C6orf89: variants seen among roughly 807,000 people sequenced by gnomAD.
The protein encoded by C6orf89 is bombesin receptor-activated protein C6orf89.
Under a neutral mutation model 40.7 loss-of-function variants are expected in C6orf89, and 29 were observed. The ratio of observed to expected loss-of-function variants is 0.71; its 90% CI spans 0.53 to 0.97. C6orf89 has a LOEUF of 0.97. Among genes scored for constraint, C6orf89 ranks in the 50% least tolerant of loss-of-function variants. C6orf89 has a pLI of 0.00. For missense variants in C6orf89, 392 were observed against 429.1 expected (o/e 0.91, Z 0.76); for synonymous variants, 165 against 152.2 (o/e 1.08, Z -0.62).
rs1472678152 is a variant in C6orf89, at chr6:36,925,645, T to A, written c.*2204T>A. ...AATTCTCCAAAGAGGGTTTTCTACA[T>A]ACACAGAAGCAGTTCAACTTCTCAA... is the stretch of plus-strand genomic sequence containing the variant. On this transcript the variant is annotated 3_prime_UTR_variant, in exon 9 of 9. Transcript: ENST00000480824. The A allele has an allele frequency of 6.6e-6, 1 of 152,218 alleles. No individual in the cohort carries two copies. The highest frequency in any genetic ancestry group is 2.4e-5 in the African/African-American group (1 of 41,450). 9.4% of individuals were successfully genotyped at this position (152,218 alleles called of 1,614,324 possible). A position where few individuals can be genotyped will look rare whatever the true frequency, so the allele number is the denominator to read the frequency against.
At chr6:36,922,687 T>TGTAAAG (rs1292803322) in intron 8 of C6orf89, among the ~76,000 whole-genome samples, 5 of 152,236 alleles carry the variant, frequency 3.3e-5, no homozygotes, top group Admixed American at 2.6e-4. Flanking sequence ...CCATGGAACC[T>TGTAAAG]ATTTTCTTTG....
At chr6:36,874,869 C>A (rs1774609129) in intron 1 of C6orf89, 1 of 1,370,982 alleles carries the variant, frequency 7.3e-7, no homozygotes, top group East Asian at 2.5e-5. Context: ...GTCCGTTCAA[C>A]CCTTTCGATA....
chr6:36,880,740 G>A (rs147412981), intron 2 of C6orf89, among the ~76,000 whole-genome samples: 2,313 of 152,258 alleles, frequency 0.015, 24 homozygotes, highest in Non-Finnish European at 0.022. Flanking sequence ...TATGGAATTA[G>A]CCATGCCCCC....
intron 4 of C6orf89, among the ~76,000 whole-genome samples, chr6:36,911,253 G>A (rs997231678): frequency 6.6e-6 from 1 of 152,176 alleles, no homozygotes; most frequent in Admixed American, 6.5e-5. Flanking sequence ...ACTTTGCAAG[G>A]CTGAGGTTGG....
chr6:36,879,377 T>G lies in C6orf89; in HGVS notation c.-503+245T>G, dbSNP rs1170065518. Among the ~76,000 whole-genome samples, 4 of 152,156 alleles carry G rather than the reference T, an allele frequency of 2.6e-5. No individual in the cohort carries two copies. In the East Asian group the frequency reaches 7.7e-4, roughly 29 times the overall value. On this transcript the variant is annotated intron_variant, in intron 2 of 9. Transcript: ENST00000359359. ...GGCCGGAACAACAACAAAAAATTTT[T>G]CCTTTATGATGCGGCTTGGCCCCCA...
intron 7 of C6orf89, 28 bp downstream of exon 7, chr6:36,916,602 T>C (rs1561875275): frequency 6.2e-7 from 1 of 1,613,410 alleles, no homozygotes. Flanking sequence ...GACTTGGATC[T>C]AGAATTTTCT....
intron 6 of C6orf89, among the ~76,000 whole-genome samples, chr6:36,915,198 G>A (rs1205298796): frequency 6.6e-6 from 1 of 152,098 alleles, no homozygotes; most frequent in African/African-American, 2.4e-5. Context: ...GTGCCACCAT[G>A]GGGGGGACAG....
intron 8 of C6orf89, among the ~76,000 whole-genome samples, chr6:36,921,977 A>G (rs1396814707): frequency 6.6e-6 from 1 of 152,116 alleles, no homozygotes; most frequent in Non-Finnish European, 1.5e-5. Flanking sequence ...GCAGTGAGCT[A>G]TGACTGCACC....
chr6:36,874,917 C>G (rs753361064), intron 1 of C6orf89: 44 of 858,816 alleles, frequency 5.1e-5, no homozygotes, highest in Non-Finnish European at 7.4e-5. Flanking sequence ...AGAGGACGGT[C>G]CCTTCTTCCA....
chr6:36,885,664 G>A (rs1774946064), upstream of C6orf89, among the ~76,000 whole-genome samples: 1 of 152,148 alleles, frequency 6.6e-6, no homozygotes, highest in Non-Finnish European at 1.5e-5. Flanking sequence ...AGGGGACTCA[G>A]TAAATGCTTG....
chr6:36,874,431 C>A (rs1774591339), intron 1 of C6orf89, among the ~76,000 whole-genome samples: 1 of 152,198 alleles, frequency 6.6e-6, no homozygotes, highest in South Asian at 2.1e-4. Context: ...GCCTGGCTTG[C>A]GGACTCATTA....
upstream of C6orf89, among the ~76,000 whole-genome samples, chr6:36,882,936 T>A (rs1417152989): frequency 6.6e-6 from 1 of 151,598 alleles, no homozygotes; most frequent in Non-Finnish European, 1.5e-5. Context: ...AGACGGGGTT[T>A]CACCTTGTTA....
In C6orf89 at chr6:36,923,451, C is replaced by T; in HGVS notation, c.*10C>T. On this transcript the variant is annotated 3_prime_UTR_variant, in exon 9 of 9. Coordinates refer to ENST00000480824, the MANE Select transcript of C6orf89 (RefSeq NM_001286635.2). ...TTTCTCAGAACTGTAGGAAATAGAA[C>T]TGTGCACAGGAACAGCTTCCAGAGC... 1.2e-6 allele frequency: 2 copies of T among 1,604,306 alleles called. No homozygotes were observed. The highest frequency in any genetic ancestry group is 1.7e-6 in the Non-Finnish European group (2 of 1,170,992).
At chr6:36,878,441 CTG>C (rs1243749866) in intron 1 of C6orf89, among the ~76,000 whole-genome samples, 1 of 152,218 alleles carries the variant, frequency 6.6e-6, no homozygotes, top group East Asian at 1.9e-4. Flanking sequence ...CATTCCTTAT[CTG>C]TAAAATCTTG....
At chr6:36,878,927 G>A in intron 1 of C6orf89, 1 of 152,096 alleles carries the variant, frequency 6.6e-6, no homozygotes, top group Non-Finnish European at 1.5e-5. Context: ...TGTGATTCTG[G>A]GAGTTGCCCG....
Position 36,916,462 on chromosome 6 carries a change from G to A in C6orf89, c.713G>A (p.Arg238Lys), listed in dbSNP as rs771857654. The change falls in exon 7 of 9, where the codon AGA (arginine) becomes AAA (lysine). Residue 238 changes from arginine (R) to lysine (K), a missense_variant. Coordinates refer to ENST00000480824, the MANE Select transcript of C6orf89 (RefSeq NM_001286635.2). Reference protein sequence around the residue: ...FPYPWRRPLNRSQMLRELFPV... With the variant: ...FPYPWRRPLNKSQMLRELFPV... ...TTCTACAGGAGGAGACCTCTGAACA[G>A]ATCACAAATGTTACGTGAGCTTTTT... The A allele has an allele frequency of 1.9e-6, 3 of 1,614,198 alleles. No homozygotes were observed. Among genetic ancestry groups the A allele is most frequent in the Admixed American group, 3.3e-5 (2 of 60,026 alleles).
At chr6:36,875,635 C>G (rs1019672682) in intron 1 of C6orf89, among the ~76,000 whole-genome samples, 2 of 152,248 alleles carry the variant, frequency 1.3e-5, no homozygotes, top group African/African-American at 4.8e-5. Context: ...AAACTTAACG[C>G]TGTAAATGCT....
At chr6:36,909,379 C>T (rs1291294897) in intron 4 of C6orf89, among the ~76,000 whole-genome samples, 1 of 152,018 alleles carries the variant, frequency 6.6e-6, no homozygotes, top group Non-Finnish European at 1.5e-5. Context: ...CTTTCATTAA[C>T]AGCATATGTT....
chr6:36,874,995 A>T, intron 1 of C6orf89: 1 of 538,312 alleles, frequency 1.9e-6, no homozygotes, highest in African/African-American at 1.9e-5. Flanking sequence ...TGCAAACTTC[A>T]TTCGCGGTGG....
Sources: gnomAD v4.1 joint callset for allele counts (sites outside exome capture counted in the v4.1 genomes callset) on GRCh38, gnomAD v4.1.1 for gene constraint, MANE v1.5 for transcripts, NCBI Gene and HGNC (gene_info 2026-07-23, HGNC 2026-07-21) for gene names.